Variants in SAMD11 observed in about 807,000 individuals in gnomAD.
SAMD11 encodes sterile alpha motif domain-containing protein 11.
Under a neutral mutation model 64.4 loss-of-function variants are expected in SAMD11, and 77 were observed. That is an observed-to-expected ratio of 1.20 (90% confidence interval 0.99 to 1.44). SAMD11 has a LOEUF of 1.44. Ranked by LOEUF, SAMD11 falls within the 40% of genes most tolerant of loss-of-function variation. The pLI, the probability that SAMD11 is intolerant of heterozygous loss-of-function variation, is 0.00. For missense variants in SAMD11, 1,402 were observed against 943.3 expected, an observed-to-expected ratio of 1.49 and a Z score of -6.37; for synonymous variants, 658 against 421.9, an observed-to-expected ratio of 1.56 and a Z score of -6.86.
chr1:943,680 C>T lies in SAMD11; in HGVS notation c.2179-18C>T, dbSNP rs186768085. 4.5e-6 allele frequency: 7 copies of T among 1,539,518 alleles called. No individual in the cohort carries two copies. The highest frequency in any genetic ancestry group is 2.3e-5 in the East Asian group (1 of 43,524). On this transcript the variant is annotated intron_variant, in intron 12 of 13. Transcript: ENST00000616016. ...GAGCAGCACCCGGGTCCTGACCCTC[C>T]CTCCCTCCCCCTTCCAGGTCTTCAG... is the stretch of plus-strand genomic sequence containing the variant.
chr1:936,009 G>T, intron 5 of SAMD11, 113 bp downstream of exon 5: 1 of 1,146,414 alleles, frequency 8.7e-7, no homozygotes, highest in South Asian at 1.4e-5. Context: ...CAGGAGGAGC[G>T]GCCTGTCCCC....
Position 944,254 on chromosome 1 carries a change from C to T in SAMD11, c.*101C>T. 1 of 1,449,990 alleles carries T rather than the reference C, an allele frequency of 6.9e-7. No individual in the cohort carries two copies. The highest frequency in any genetic ancestry group is 1.9e-4 in the Middle Eastern group (1 of 5,380). 89.8% of individuals were successfully genotyped at this position (1,449,990 alleles called of 1,614,324 possible). A position where few individuals can be genotyped will look rare whatever the true frequency, so the allele number is the denominator to read the frequency against. On this transcript the variant is annotated 3_prime_UTR_variant, in exon 14 of 14. Coordinates refer to ENST00000616016, the MANE Select transcript of SAMD11 (RefSeq NM_001385641.1). ...GCTTTATTTCTTTCGGTTTCGGATG[C>T]AAAACAAAAAATTTTAAAAGAAAAT...
At chr1:932,215 C>T (rs1273993420) in intron 4 of SAMD11, among the ~76,000 whole-genome samples, 1 of 152,246 alleles carries the variant, frequency 6.6e-6, no homozygotes, top group Non-Finnish European at 1.5e-5. Flanking sequence ...TGGGACACTA[C>T]AGAATACATT....
At chr1:935,668 T>G in intron 4 of SAMD11, 104 bp from the exon 5 acceptor site, 1 of 1,491,788 alleles carries the variant, frequency 6.7e-7, no homozygotes, top group Non-Finnish European at 9.2e-7. Context: ...CACTCAGAGG[T>G]CATCCCCACG....
Position 943,361 on chromosome 1 carries a change from G to A in SAMD11, c.2162G>A (p.Cys721Tyr), listed in dbSNP as rs1281630637. The change falls in exon 12 of 14, where the codon TGT becomes TAT. Residue 721 changes from cysteine (C) to tyrosine (Y), a missense_variant. By Grantham distance (194) the Cys-to-Tyr change is radical (BLOSUM62 -2). Transcript: ENST00000616016. Reference sequence around the variant, plus strand: ...AGCTTCGTGGGGGGCCTGTCTGGCTGTGGAGAGTACACTCGGGTAAGGGGG... The same window carrying A: ...AGCTTCGTGGGGGGCCTGTCTGGCTATGGAGAGTACACTCGGGTAAGGGGG... ...VCSFVGGLSG[C>Y]GEYTRVFREQ... 1 of 1,577,432 alleles carries A rather than the reference G, an allele frequency of 6.3e-7. No homozygotes were observed.
Position 930,287 on chromosome 1 carries a change from C to T in SAMD11, c.742C>T (p.Pro248Ser). 6.2e-7 allele frequency: 1 copy of T among 1,608,780 alleles called. No homozygotes were observed. Among genetic ancestry groups the T allele is most frequent in the Non-Finnish European group, 8.5e-7 (1 of 1,178,074 alleles). The change falls in exon 3 of 14, where the codon CCA (proline) becomes TCA (serine). Residue 248 changes from proline (P) to serine (S), a missense_variant. Pro to Ser is a moderately conservative substitution (Grantham distance 74). Coordinates refer to ENST00000616016, the MANE Select transcript of SAMD11 (RefSeq NM_001385641.1). ...DGSGPTCGRR[P>S]GLKQEDGPHI... The stretch of plus-strand genomic sequence containing the variant: ...GAGTGGCCCCACCTGTGGGCGGCGG[C>T]CAGGCTTGAAGCAGGAGGATGGTCC...
rs968674502 is a variant in SAMD11, at chr1:924,948, G to A, written c.517G>A (p.Gly173Arg). 2 of 152,160 alleles carry A rather than the reference G, an allele frequency of 1.3e-5. No homozygotes were observed. The highest frequency in any genetic ancestry group is 4.8e-5 in the African/African-American group (2 of 41,438). 9.4% of individuals were successfully genotyped at this position (152,160 alleles called of 1,614,324 possible). A position where few individuals can be genotyped will look rare whatever the true frequency, so the allele number is the denominator to read the frequency against. ...CTGGAAGCGCAGCATCCGCCACAAAGGTGCCGCCGCCCCTCCCTTCGCTGC... is the reference window on the plus strand; with the variant it reads ...CTGGAAGCGCAGCATCCGCCACAAAAGTGCCGCCGCCCCTCCCTTCGCTGC... ...KDWKRSIRHK[G>R]KSLKTLMSKG... The change falls in exon 1 of 14, where the codon GGG (glycine) becomes AGG (arginine). Residue 173 changes from glycine (G) to arginine (R), a missense_variant and splice_region_variant. Transcript: ENST00000616016.
rs111371881 is a variant in SAMD11 at position 943,946 on chromosome 1, C to T, written c.2328C>T (p.Ser776=). The change falls in exon 14 of 14, where the codon AGC becomes AGT. Residue 776 remains serine, a synonymous_variant. Coordinates refer to ENST00000616016, the MANE Select transcript of SAMD11 (RefSeq NM_001385641.1). ...TGGGCCGAGTTTTCTACGTGGCCAG[C>T]TTCCCCGTGGCTCTGCCACTGCAGC... is the stretch of plus-strand genomic sequence containing the variant. ...RRLGRVFYVA[S]FPVALPLQPP... 289 of 1,612,694 alleles carry T rather than the reference C, an allele frequency of 1.8e-4. 1 individual carries two copies. The African/African-American group carries it at 3.5e-3, about 19-fold the overall frequency.
At chr1:937,527 G>A (rs1366503870) in intron 5 of SAMD11, among the ~76,000 whole-genome samples, 1 of 152,096 alleles carries the variant, frequency 6.6e-6, no homozygotes, top group South Asian at 2.1e-4. Context: ...TGCTAACCCT[G>A]AGGGCATGTG....
chr1:934,021 G>GTTACAGGTGGGCAGGGGAGGCTGCTC (rs1557603573), intron 4 of SAMD11, among the ~76,000 whole-genome samples: 7 of 56,788 alleles, frequency 1.2e-4, no homozygotes, highest in African/African-American at 6.3e-4. Flanking sequence ...GGAGGCGGCT[G>GTTACAGGTGGGCAGGGGAGGCTGCTC]CGTTACAGGT....
chr1:944,177 C>T lies in SAMD11; in HGVS notation c.*24C>T, dbSNP rs1035469247. The T allele has an allele frequency of 6.6e-7, 1 of 1,518,264 alleles. No homozygotes were observed. 94.0% of individuals were successfully genotyped at this position (1,518,264 alleles called of 1,614,324 possible). ...GAGGTTGCCGGGGGTAGGGGTGGGG[C>T]CACACAAATCTCCAGGAGCCACCAC... On this transcript the variant is annotated 3_prime_UTR_variant, in exon 14 of 14. Transcript: ENST00000616016.
intron 4 of SAMD11, among the ~76,000 whole-genome samples, chr1:932,154 C>T (rs1351390103): frequency 1.3e-5 from 2 of 152,262 alleles, no homozygotes; most frequent in Admixed American, 1.3e-4. Flanking sequence ...CTCACCTGAT[C>T]ATTTTTATGA....
intron 5 of SAMD11, among the ~76,000 whole-genome samples, chr1:936,802 A>C (rs972300515): frequency 1.3e-5 from 2 of 152,126 alleles, no homozygotes; most frequent in African/African-American, 4.8e-5. Flanking sequence ...GCCGCGTTGG[A>C]GACAGCTGAG....
Position 942,219 on chromosome 1 carries a change from TGG to T in SAMD11, c.1446_1447del (p.Val483AlafsTer134). 7.4e-7 allele frequency: 1 copy of T among 1,358,508 alleles called. No homozygotes were observed. The highest frequency in any genetic ancestry group is 9.5e-7 in the Non-Finnish European group (1 of 1,048,992). 84.2% of individuals were successfully genotyped at this position (1,358,508 alleles called of 1,614,324 possible). ...GGCCCCCATCTCAGGCCCCCCTTCC[TGG>T]GGGTGCCCTCGGCTCTGTGCCAGAC... On this transcript the variant is annotated frameshift_variant, in exon 9 of 14. Transcript: ENST00000616016. LOFTEE classifies it high-confidence loss of function.
At chr1:938,567 C>T (rs1641581894) in intron 5 of SAMD11, among the ~76,000 whole-genome samples, 1 of 152,046 alleles carries the variant, frequency 6.6e-6, no homozygotes, top group East Asian at 2.0e-4. Flanking sequence ...GCCCACAGCC[C>T]AGTGACTCAC....
chr1:938,941 CT>C, intron 5 of SAMD11, 98 bp from the exon 6 acceptor site: 1 of 1,088,676 alleles, frequency 9.2e-7, no homozygotes, highest in Non-Finnish European at 1.4e-6. Flanking sequence ...CAAGGGCCCC[CT>C]GAGAGATGGT....
At chr1:928,168 C>A (rs112703377) in intron 2 of SAMD11, among the ~76,000 whole-genome samples, 3 of 151,694 alleles carry the variant, frequency 2.0e-5, no homozygotes, top group African/African-American at 4.8e-5. Flanking sequence ...CCGAGGCGGG[C>A]GGATCACGAG....
At position 944,294 on chromosome 1, in the gene SAMD11, A is replaced by G; in HGVS notation, c.*141A>G. On this transcript the variant is annotated 3_prime_UTR_variant, in exon 14 of 14. Coordinates refer to ENST00000616016, the MANE Select transcript of SAMD11 (RefSeq NM_001385641.1). ...TAAAAGAAAATGTGACTTCAAAGGAAAGGAACAAATTTTCAAAGACTTGGG... is the reference window on the plus strand; with the variant it reads ...TAAAAGAAAATGTGACTTCAAAGGAGAGGAACAAATTTTCAAAGACTTGGG... 2 of 1,417,550 alleles carry G rather than the reference A, an allele frequency of 1.4e-6. No homozygotes were observed. Among genetic ancestry groups the G allele is most frequent in the South Asian group, 3.4e-5 (2 of 58,478 alleles). The allele number at this position is 1,417,550 out of a possible 1,614,324, so 87.8% of individuals were successfully genotyped here.
chr1:940,296 G>GCCCCCCGCCGCCCCCCCC (rs1641677623), intron 7 of SAMD11: 1 of 131,490 alleles, frequency 7.6e-6, no homozygotes, highest in Admixed American at 8.0e-5. Context: ...CCGCGCCGCC[G>GCCCCCCGCCGCCCCCCCC]CCCCCCCCCC....
Sources: allele counts gnomAD v4.1 joint callset (sites outside exome capture counted in the v4.1 genomes callset), GRCh38; gene constraint gnomAD v4.1.1; transcripts MANE v1.5; gene names NCBI Gene and HGNC (gene_info 2026-07-23, HGNC 2026-07-21).